Variants in CLGN observed in about 807,000 individuals in gnomAD.
CLGN encodes testis tissue sperm-binding protein Li 79P.
A neutral mutation model predicts 79.1 loss-of-function variants in CLGN; 62 were observed. That is an observed-to-expected ratio of 0.78 (90% CI 0.64 to 0.97). The LOEUF (loss-of-function observed/expected upper bound fraction) is 0.97. Ranked by LOEUF, CLGN falls within the 50% of genes least tolerant of loss-of-function variation. The pLI is 0.00. For missense variants in CLGN, 647 were observed against 715.5 expected (o/e 0.90, Z 1.09); for synonymous variants, 225 against 224.7 (o/e 1.00, Z -0.01).
intron 10 of CLGN, among the ~76,000 whole-genome samples, chr4:140,395,472 A>C (rs1370731437): frequency 6.6e-6 from 1 of 152,190 alleles, no homozygotes; most frequent in Non-Finnish European, 1.5e-5. Flanking sequence ...ATAATACTAA[A>C]TAATAAGTAC....
intron 5 of CLGN, among the ~76,000 whole-genome samples, chr4:140,405,586 T>C (rs1375038949): frequency 6.6e-6 from 1 of 152,222 alleles, no homozygotes; most frequent in African/African-American, 2.4e-5. Context: ...TATCACATAA[T>C]TTTTAAATTT....
At chr4:140,422,088 T>C (rs1363858986) in intron 1 of CLGN, among the ~76,000 whole-genome samples, 2 of 152,190 alleles carry the variant, frequency 1.3e-5, no homozygotes, top group African/African-American at 4.8e-5. Flanking sequence ...AATTTGAACA[T>C]ATATGTGGGA....
Position 140,396,889 on chromosome 4 carries a change from A to ATG in CLGN, c.885-686_885-685dup, listed in dbSNP as rs1553944628. Among the ~76,000 whole-genome samples the ATG allele has an allele frequency of 8.9e-3, 532 of 60,064 alleles. 9 individuals are homozygous for ATG. The highest frequency in any genetic ancestry group is 0.025 in the Middle Eastern group (3 of 120). The allele number at this position is 60,064 out of a possible 152,430, so 39.4% of individuals were successfully genotyped here. A position where few individuals can be genotyped will look rare whatever the true frequency, so the allele number is the denominator to read the frequency against. Reference sequence around the variant, plus strand: ...TATATATATACATATATATATATATATGTATATATATATATATGTATATAT... The same window carrying ATG: ...TATATATATACATATATATATATATATGTGTATATATATATATATGTATATAT... On this transcript the variant is annotated intron_variant, in intron 8 of 14. Coordinates refer to ENST00000325617, the MANE Select transcript of CLGN (RefSeq NM_004362.3).
chr4:140,415,333 CA>C (rs1423309227), intron 1 of CLGN, among the ~76,000 whole-genome samples: 2 of 149,820 alleles, frequency 1.3e-5, no homozygotes, highest in Admixed American at 6.6e-5. Flanking sequence ...ATGACAGGAT[CA>C]AATTCACACA....
chr4:140,406,514 T>C (rs1469671521), intron 4 of CLGN, among the ~76,000 whole-genome samples: 1 of 152,232 alleles, frequency 6.6e-6, no homozygotes, highest in Non-Finnish European at 1.5e-5. Context: ...AAATGCACAA[T>C]ACTCATCAGC....
At chr4:140,398,730 CTAAAAA>C in intron 8 of CLGN, 115 bp downstream of exon 8, 1 of 773,884 alleles carries the variant, frequency 1.3e-6, no homozygotes, top group Non-Finnish European at 2.0e-6. Context: ...ACCCAAAATA[CTAAAAA>C]TAAGTAGTTC....
At chr4:140,396,932 T>C (rs1728902830) in intron 8 of CLGN, among the ~76,000 whole-genome samples, 1 of 143,410 alleles carries the variant, frequency 7.0e-6, no homozygotes, top group African/African-American at 2.6e-5. Flanking sequence ...TACACATATA[T>C]ATATATACAC....
At chr4:140,396,889 A>ATATGTG (rs761444960) in intron 8 of CLGN, among the ~76,000 whole-genome samples, 1 of 60,046 alleles carries the variant, frequency 1.7e-5, no homozygotes, top group African/African-American at 8.1e-5. Context: ...ATATATATAT[A>ATATGTG]TGTATATATA....
At chr4:140,391,889 C>T (rs1009754407) in intron 13 of CLGN, among the ~76,000 whole-genome samples, 1 of 151,794 alleles carries the variant, frequency 6.6e-6, no homozygotes, top group Non-Finnish European at 1.5e-5. Flanking sequence ...CCATGATATA[C>T]ACCCTCTATC....
chr4:140,412,248 C>T (rs1729227374), intron 2 of CLGN, among the ~76,000 whole-genome samples: 1 of 152,120 alleles, frequency 6.6e-6, no homozygotes, highest in African/African-American at 2.4e-5. Context: ...GTAACAACTA[C>T]ATATTATTCC....
At chr4:140,398,419 G>T (rs1196975664) in intron 8 of CLGN, among the ~76,000 whole-genome samples, 1 of 151,740 alleles carries the variant, frequency 6.6e-6, no homozygotes, top group Non-Finnish European at 1.5e-5. Flanking sequence ...ACAGGCACCC[G>T]CCGCCATGCC....
intron 7 of CLGN, 106 bp from the exon 8 acceptor site, chr4:140,399,146 T>C (rs1728951075): frequency 7.0e-6 from 6 of 852,264 alleles, no homozygotes; most frequent in Non-Finnish European, 1.0e-5. Context: ...AAAGCTTTTT[T>C]CCCAACCAGA....
At chr4:140,397,067 C>G (rs1365138385) in intron 8 of CLGN, among the ~76,000 whole-genome samples, 3 of 150,978 alleles carry the variant, frequency 2.0e-5, no homozygotes, top group Non-Finnish European at 4.4e-5. Context: ...ACAAACAATG[C>G]CATAGTGAAT....
At chr4:140,413,174 A>C in intron 1 of CLGN, 87 bp from the exon 2 acceptor site, 1 of 970,142 alleles carries the variant, frequency 1.0e-6, no homozygotes, top group Non-Finnish European at 1.6e-6. Context: ...ATTTCTCCAT[A>C]ATAGCTCCTT....
rs150276101 is a variant in CLGN, at chr4:140,403,155, G to A, written c.420-1089C>T. 1.8e-4 allele frequency among the ~76,000 whole-genome samples: 27 copies of A among 152,214 alleles called. No individual in the cohort carries two copies. In the East Asian group the frequency reaches 3.5e-3, roughly 20 times the overall value. On this transcript the variant is annotated intron_variant, in intron 5 of 14. Transcript: ENST00000325617. ...TATTTCTTAAGCTATCTACAACAGT[G>A]GCCACAAGCATGTACTTTAAAGTCA...
intron 2 of CLGN, 91 bp downstream of exon 2, chr4:140,412,844 A>T: frequency 8.8e-7 from 1 of 1,134,954 alleles, no homozygotes; most frequent in South Asian, 1.7e-5. Context: ...TAAAATGAAG[A>T]TTATTTGAAC....
intron 1 of CLGN, among the ~76,000 whole-genome samples, chr4:140,416,423 T>C (rs1729332744): frequency 6.7e-6 from 1 of 148,870 alleles, no homozygotes; most frequent in Non-Finnish European, 1.5e-5. Flanking sequence ...GCTGGTTTTT[T>C]GAAAGGATCA....
intron 1 of CLGN, among the ~76,000 whole-genome samples, chr4:140,420,178 C>G (rs919116554): frequency 1.3e-5 from 2 of 151,946 alleles, no homozygotes; most frequent in African/African-American, 4.8e-5. Flanking sequence ...ACTGGGCTGC[C>G]AAGAAAGAGT....
At chr4:140,406,419 G>T (rs1308670804) in intron 4 of CLGN, among the ~76,000 whole-genome samples, 1 of 152,100 alleles carries the variant, frequency 6.6e-6, no homozygotes, top group African/African-American at 2.4e-5. Flanking sequence ...TGTCTCAATA[G>T]GGTATGTCAA....
Sources: allele counts gnomAD v4.1 joint callset (sites outside exome capture counted in the v4.1 genomes callset), GRCh38; gene constraint gnomAD v4.1.1; transcripts MANE v1.5; gene names NCBI Gene and HGNC (gene_info 2026-07-23, HGNC 2026-07-21).